The following CNTN6 variants were observed in gnomAD, a reference collection of about 807,000 sequenced individuals.
CNTN6 encodes contactin 6.
A neutral mutation model predicts 122.8 loss-of-function variants in CNTN6; 137 were observed. The ratio of observed to expected loss-of-function variants is 1.12; its 90% CI spans 0.97 to 1.29. The LOEUF (loss-of-function observed/expected upper bound fraction) is 1.29, where lower values mean the gene tolerates loss of function less well. Among genes scored for constraint, CNTN6 ranks in the 50% most tolerant of loss-of-function variants. CNTN6 has a pLI of 0.00. For synonymous variants in CNTN6, 570 were observed against 426.0 expected, an observed-to-expected ratio of 1.34 and a Z score of -4.16; for missense variants, 1,634 against 1,223.4, an observed-to-expected ratio of 1.34 and a Z score of -5.01.
intron 2 of CNTN6, among the ~76,000 whole-genome samples, chr3:1,192,287 C>G (rs960968463): frequency 7.9e-5 from 12 of 152,130 alleles, no homozygotes; most frequent in African/African-American, 2.9e-4. Context: ...TTTAATTTCT[C>G]TACATCTTTT....
At chr3:1,232,800 T>C (rs916255951) in intron 4 of CNTN6, among the ~76,000 whole-genome samples, 2 of 152,156 alleles carry the variant, frequency 1.3e-5, no homozygotes, top group Admixed American at 1.3e-4. Flanking sequence ...TTTGTCTGAA[T>C]TGGAGAAAAG....
chr3:1,189,413 T>C (rs183456745), intron 2 of CNTN6, among the ~76,000 whole-genome samples: 1 of 152,334 alleles, frequency 6.6e-6, no homozygotes, highest in Non-Finnish European at 1.5e-5. Context: ...TTAAGGCTTT[T>C]AGAATTAGCA....
intron 2 of CNTN6, among the ~76,000 whole-genome samples, chr3:1,161,144 C>T (rs1224564190): frequency 6.6e-6 from 1 of 151,730 alleles, no homozygotes; most frequent in Non-Finnish European, 1.5e-5. Flanking sequence ...AGCTACAAAG[C>T]AGGTCCTCAC....
At chr3:1,371,344 AT>A (rs1222711717) in intron 12 of CNTN6, among the ~76,000 whole-genome samples, 2,105 of 149,368 alleles carry the variant, frequency 0.014, 44 homozygotes, top group African/African-American at 0.042. Flanking sequence ...TTCATGTATA[AT>A]TTTTTTTTTA....
chr3:1,225,240 T>C (rs186641630), intron 3 of CNTN6, among the ~76,000 whole-genome samples: 2 of 152,358 alleles, frequency 1.3e-5, no homozygotes, highest in African/African-American at 4.8e-5. Context: ...TATGCAATTC[T>C]ATCAGAAATG....
intron 1 of CNTN6, among the ~76,000 whole-genome samples, chr3:1,096,928 C>A (rs982918757): frequency 8.5e-5 from 13 of 152,100 alleles, no homozygotes; most frequent in Non-Finnish European, 1.2e-4. Context: ...TTATATTTCT[C>A]TTTATTGTTT....
At chr3:1,274,395 T>C (rs1373561745) in intron 4 of CNTN6, among the ~76,000 whole-genome samples, 1 of 152,132 alleles carries the variant, frequency 6.6e-6, no homozygotes, top group Admixed American at 6.5e-5. Flanking sequence ...CCTAAATTAG[T>C]ATAAAGCTAA....
At position 1,402,409 on chromosome 3, in the gene CNTN6, A is replaced by G; in HGVS notation, c.2909A>G (p.Tyr970Cys). The G allele has an allele frequency of 2.5e-6, 4 of 1,612,524 alleles. No individual in the cohort carries two copies. Among genetic ancestry groups the G allele is most frequent in the Non-Finnish European group, 3.4e-6 (4 of 1,178,944 alleles). ...CTTCTGGTTCCATTTGAAGAAGACT[A>G]CTTAATTGAAATAAGAACAGTCAGT... Reference protein sequence around the residue: ...AELLVPFEEDYLIEIRTVSDG... With the variant: ...AELLVPFEEDCLIEIRTVSDG... The change falls in exon 22 of 23, where the codon TAC (tyrosine) becomes TGC (cysteine). Residue 970 changes from tyrosine to cysteine, a missense_variant. Physicochemically the swap from Tyr to Cys is radical, Grantham distance 194. Transcript: ENST00000446702.
chr3:1,220,357 A>G, intron 2 of CNTN6, among the ~76,000 whole-genome samples: 1 of 152,276 alleles, frequency 6.6e-6, no homozygotes, highest in Non-Finnish European at 1.5e-5. Context: ...TGAAACAACA[A>G]AAAATAGAAT....
intron 2 of CNTN6, among the ~76,000 whole-genome samples, chr3:1,169,794 T>G (rs1309731758): frequency 6.6e-6 from 1 of 152,228 alleles, no homozygotes; most frequent in Non-Finnish European, 1.5e-5. Context: ...TTTTATTTGA[T>G]AAACTTTGGT....
chr3:1,403,351 C>T lies in CNTN6; in HGVS notation c.3020C>T (p.Pro1007Leu). ...TCCAGAGGAATTCAATTCTTAGAAC[C>T]TAGCACCCATTTTCTTTCCATTGTC... ...LSSRGIQFLE[P>L]STHFLSIVIV... is the part of the protein sequence containing the mutation. The change falls in exon 23 of 23, where the codon CCT becomes CTT. Residue 1007 changes from proline (P) to leucine (L), a missense_variant. By Grantham distance (98) the Pro-to-Leu change is moderately conservative. Transcript: ENST00000446702. 1.2e-6 allele frequency: 2 copies of T among 1,610,878 alleles called. No individual in the cohort carries two copies. Among genetic ancestry groups the T allele is most frequent in the Non-Finnish European group, 8.5e-7 (1 of 1,178,402 alleles).
At chr3:1,206,876 C>G (rs58191631) in intron 2 of CNTN6, among the ~76,000 whole-genome samples, 24,631 of 152,138 alleles carry the variant, frequency 0.16, 2,468 homozygotes, top group East Asian at 0.27. Context: ...GTCCATCACT[C>G]TCATAGGACA....
intron 2 of CNTN6, among the ~76,000 whole-genome samples, chr3:1,158,671 T>G (rs1438301682): frequency 6.6e-6 from 1 of 150,994 alleles, no homozygotes; most frequent in Admixed American, 6.6e-5. Context: ...TTTGTGAGCT[T>G]GAACTATCTT....
chr3:1,384,321 C>T (rs1289716517), intron 19 of CNTN6, among the ~76,000 whole-genome samples: 9 of 149,046 alleles, frequency 6.0e-5, no homozygotes, highest in Non-Finnish European at 1.3e-4. Context: ...GTGAAGTCTG[C>T]TCCTCAATCA....
intron 4 of CNTN6, among the ~76,000 whole-genome samples, chr3:1,275,803 CA>C (rs1559680684): frequency 5.3e-5 from 8 of 151,740 alleles, no homozygotes; most frequent in African/African-American, 1.9e-4. Flanking sequence ...GCTGATCTAA[CA>C]GGGGGCAGAG....
chr3:1,265,262 T>C (rs567461606), intron 4 of CNTN6, among the ~76,000 whole-genome samples: 1 of 152,284 alleles, frequency 6.6e-6, no homozygotes, highest in Admixed American at 6.5e-5. Context: ...TATCATTAGT[T>C]GTCTCAGCTA....
intron 11 of CNTN6, among the ~76,000 whole-genome samples, chr3:1,340,299 C>A (rs1345737662): frequency 6.6e-6 from 1 of 152,138 alleles, no homozygotes; most frequent in East Asian, 1.9e-4. Context: ...CTAAAAAAAT[C>A]TTCTGAAAAT....
At chr3:1,268,350 G>A (rs928083704) in intron 4 of CNTN6, among the ~76,000 whole-genome samples, 3 of 152,282 alleles carry the variant, frequency 2.0e-5, no homozygotes, top group Admixed American at 1.3e-4. Context: ...GCTCACGCTT[G>A]TAATCCCAGC....
Position 1,295,672 on chromosome 3 carries a change from C to T in CNTN6, c.526C>T (p.Gln176Ter), listed in dbSNP as rs761146567. 1 of 1,613,848 alleles carries T rather than the reference C, an allele frequency of 6.2e-7. No individual in the cohort carries two copies. Among genetic ancestry groups the T allele is most frequent in the African/African-American group, 1.3e-5 (1 of 74,900 alleles). ...AGAGGACAATAGGCGATTTGTATCTCAAGAGACGGGAAACTTGTACATTGC... is the reference window on the plus strand; with the variant it reads ...AGAGGACAATAGGCGATTTGTATCTTAAGAGACGGGAAACTTGTACATTGC... ...VQEDNRRFVS[Q>*]ETGNLYIAKV... The change falls in exon 6 of 23, where the codon CAA (glutamine) becomes TAA (stop). Residue 176 changes from glutamine (Q) to a stop codon, truncating the protein, a stop_gained. Transcript: ENST00000446702. LOFTEE classifies it high-confidence loss of function.
Sources: allele counts gnomAD v4.1 joint callset (sites outside exome capture counted in the v4.1 genomes callset), GRCh38; gene constraint gnomAD v4.1.1; transcripts MANE v1.5; gene names NCBI Gene and HGNC (gene_info 2026-07-23, HGNC 2026-07-21).